Variants in LRP1B observed in about 807,000 individuals in gnomAD.
LRP1B encodes LDL receptor related protein 1B.
A neutral mutation model predicts 556.6 loss-of-function variants in LRP1B; 217 were observed. The ratio of observed to expected loss-of-function variants is 0.39; its 90% CI spans 0.35 to 0.44. The LOEUF (loss-of-function observed/expected upper bound fraction) is 0.44. LRP1B is among the 20% of genes least tolerant of loss of function. LRP1B has a pLI of 1.00. For missense variants in LRP1B, 5,053 were observed against 5,620.8 expected (o/e 0.90, Z 3.23); for synonymous variants, 2,047 against 1,865.8 (o/e 1.10, Z -2.50).
chr2:141,606,854 C>A (rs1687932569), intron 2 of LRP1B, among the ~76,000 whole-genome samples: 1 of 152,086 alleles, frequency 6.6e-6, no homozygotes, highest in Non-Finnish European at 1.5e-5. Context: ...GCAGTCCTAG[C>A]AAACTATACG....
chr2:141,285,100 T>G (rs942688351), intron 3 of LRP1B, among the ~76,000 whole-genome samples: 1 of 141,830 alleles, frequency 7.1e-6, no homozygotes, highest in Non-Finnish European at 1.5e-5. Context: ...CATATTTCAT[T>G]TTTTTTTTTT....
intron 86 of LRP1B, among the ~76,000 whole-genome samples, chr2:140,267,585 C>A (rs1238131875): frequency 1.3e-5 from 2 of 151,836 alleles, no homozygotes; most frequent in Non-Finnish European, 2.9e-5. Context: ...CCGTGCTGAG[C>A]CTGTACAAAC....
At chr2:142,102,824 T>C (rs77625550) in intron 1 of LRP1B, among the ~76,000 whole-genome samples, 6,530 of 151,938 alleles carry the variant, frequency 0.043, 226 homozygotes, top group Non-Finnish European at 0.058. Context: ...AACTAAGTGT[T>C]CACATTTTAA....
At position 140,790,940 on chromosome 2, in the gene LRP1B, A is replaced by ATT. The variant is rs201743296; in HGVS notation, c.5360-14704_5360-14703dup. ...AAATAGCAAGACACTGTCTCTACAA[A>ATT]TTTTTTTTTTTTTTTTTTTAATTAT... On this transcript the variant is annotated intron_variant, in intron 32 of 90. Coordinates refer to ENST00000389484, the MANE Select transcript of LRP1B (RefSeq NM_018557.3). 3.8e-3 allele frequency among the ~76,000 whole-genome samples: 545 copies of ATT among 143,262 alleles called. 1 individual carries two copies. Among genetic ancestry groups the ATT allele is most frequent in the African/African-American group, 0.012 (474 of 38,366 alleles). 94.0% of individuals were successfully genotyped at this position (143,262 alleles called of 152,430 possible). A position where few individuals can be genotyped will look rare whatever the true frequency, so the allele number is the denominator to read the frequency against.
At chr2:141,096,671 A>AGGGAGAGG (rs1224655221) in intron 7 of LRP1B, among the ~76,000 whole-genome samples, 5 of 130,884 alleles carry the variant, frequency 3.8e-5, no homozygotes, top group African/African-American at 1.4e-4. Context: ...AGAGAGAGAG[A>AGGGAGAGG]GAGAGAGAGA....
intron 2 of LRP1B, among the ~76,000 whole-genome samples, chr2:141,779,119 T>G (rs1695163419): frequency 6.6e-6 from 1 of 152,056 alleles, no homozygotes; most frequent in South Asian, 2.1e-4. Flanking sequence ...AGAGAGGTTA[T>G]ATAACACGTT....
At chr2:142,123,930 A>T (rs1361278986) in intron 1 of LRP1B, among the ~76,000 whole-genome samples, 1 of 151,954 alleles carries the variant, frequency 6.6e-6, no homozygotes, top group African/African-American at 2.4e-5. Context: ...GAAAAGCGTT[A>T]CGTATTTACA....
At chr2:141,405,767 A>C (rs1453854901) in intron 3 of LRP1B, among the ~76,000 whole-genome samples, 1 of 152,168 alleles carries the variant, frequency 6.6e-6, no homozygotes, top group African/African-American at 2.4e-5. Flanking sequence ...TTATTTTATC[A>C]AACATATGAT....
intron 41 of LRP1B, among the ~76,000 whole-genome samples, chr2:140,668,651 T>C (rs1203640009): frequency 1.3e-5 from 2 of 151,896 alleles, no homozygotes; most frequent in Non-Finnish European, 2.9e-5. Context: ...ATTTTATTTA[T>C]ATATTCATCC....
intron 15 of LRP1B, 94 bp downstream of exon 15, chr2:141,005,241 T>C: frequency 7.3e-7 from 1 of 1,372,434 alleles, no homozygotes; most frequent in Non-Finnish European, 9.9e-7. Context: ...GAATTTCTCT[T>C]TCCAAGTGTC....
At chr2:141,721,510 C>G (rs1286994178) in intron 2 of LRP1B, among the ~76,000 whole-genome samples, 2 of 152,048 alleles carry the variant, frequency 1.3e-5, no homozygotes, top group African/African-American at 4.8e-5. Flanking sequence ...TCATTGATTT[C>G]TACCTAATTT....
chr2:141,735,450 T>A (rs541764589), intron 2 of LRP1B, among the ~76,000 whole-genome samples: 1 of 133,968 alleles, frequency 7.5e-6, no homozygotes, highest in East Asian at 2.2e-4. Flanking sequence ...CAATAGAAGA[T>A]GGAACTATAA....
intron 55 of LRP1B, among the ~76,000 whole-genome samples, chr2:140,496,607 T>A (rs1484541453): frequency 1.3e-5 from 2 of 152,098 alleles, no homozygotes; most frequent in Non-Finnish European, 2.9e-5. Flanking sequence ...CTACAAACAT[T>A]ATGCCACGTG....
At chr2:140,652,822 G>C (rs2105324065) in intron 41 of LRP1B, among the ~76,000 whole-genome samples, 1 of 152,052 alleles carries the variant, frequency 6.6e-6, no homozygotes, top group South Asian at 2.1e-4. Flanking sequence ...AAAAATAGTT[G>C]TAGATTACTT....
intron 1 of LRP1B, among the ~76,000 whole-genome samples, chr2:142,082,919 T>C (rs1478223198): frequency 1.3e-5 from 2 of 152,172 alleles, no homozygotes; most frequent in Non-Finnish European, 2.9e-5. Context: ...ACATGAGATG[T>C]CTTGTTCTTC....
chr2:141,484,332 T>C (rs1683035525), intron 2 of LRP1B, among the ~76,000 whole-genome samples: 1 of 150,106 alleles, frequency 6.7e-6, no homozygotes. Flanking sequence ...ATCTCCATTT[T>C]GGTACCAGTA....
At chr2:140,421,367 T>C (rs1335098424) in intron 66 of LRP1B, among the ~76,000 whole-genome samples, 1 of 152,234 alleles carries the variant, frequency 6.6e-6, no homozygotes, top group East Asian at 1.9e-4. Flanking sequence ...TGTGATGCTA[T>C]GATTTTGTGC....
rs1294531760 is a variant in LRP1B, at chr2:140,293,850, T to C, written c.12967+3958A>G. Among the ~76,000 whole-genome samples the C allele has an allele frequency of 2.0e-5, 3 of 152,174 alleles. No homozygotes were observed. In the East Asian group the frequency reaches 5.8e-4, roughly 29 times the overall value. On this transcript the variant is annotated intron_variant, in intron 84 of 90. Transcript: ENST00000389484. ...TCCTGGGGTCCAATTCTGACTATAA[T>C]ATTACTACTTCGGGACCTTGAGCAA...
intron 83 of LRP1B, among the ~76,000 whole-genome samples, chr2:140,302,101 G>A (rs1393991830): frequency 2.6e-5 from 4 of 151,948 alleles, no homozygotes; most frequent in Admixed American, 2.0e-4. Flanking sequence ...TAGCTTTATT[G>A]ATTTCTCTTT....
Sources: allele counts gnomAD v4.1 joint callset (sites outside exome capture counted in the v4.1 genomes callset), GRCh38; gene constraint gnomAD v4.1.1; transcripts MANE v1.5; gene names NCBI Gene and HGNC (gene_info 2026-07-23, HGNC 2026-07-21).